ITPR2: variants seen among roughly 807,000 people sequenced by gnomAD.
ITPR2 encodes inositol 1,4,5-trisphosphate-gated calcium channel ITPR2.
ITPR2 carries 207 observed loss-of-function variants against 317.1 expected under a neutral mutation model. The ratio of observed to expected loss-of-function variants is 0.65; its 90% confidence interval spans 0.58 to 0.73. ITPR2 has a LOEUF of 0.73. Ranked by LOEUF, ITPR2 falls within the 30% of genes least tolerant of loss-of-function variation. ITPR2 has a pLI of 0.00. For synonymous variants in ITPR2, 1,156 were observed against 1,149.1 expected (o/e 1.01, Z -0.12); for missense variants, 2,613 against 3,284.0 (o/e 0.80, Z 4.99).
intron 52 of ITPR2, among the ~76,000 whole-genome samples, chr12:26,408,839 T>C (rs1221103287): frequency 6.6e-6 from 1 of 152,180 alleles, no homozygotes; most frequent in African/African-American, 2.4e-5. Context: ...CCACTGATAC[T>C]TGGAACCATG....
intron 2 of ITPR2, among the ~76,000 whole-genome samples, chr12:26,780,997 A>C: frequency 6.6e-6 from 1 of 152,226 alleles, no homozygotes; most frequent in East Asian, 1.9e-4. Flanking sequence ...GACTATCAAG[A>C]TGAAATCAGT....
chr12:26,766,530 A>C (rs540780839), intron 2 of ITPR2, among the ~76,000 whole-genome samples: 5 of 152,252 alleles, frequency 3.3e-5, no homozygotes, highest in South Asian at 4.1e-4. Flanking sequence ...CCCTTACCAG[A>C]TAAATTATTT....
intron 56 of ITPR2, 62 bp from the exon 57 acceptor site, chr12:26,339,545 G>T: frequency 7.7e-7 from 1 of 1,303,178 alleles, no homozygotes; most frequent in Non-Finnish European, 1.1e-6. Context: ...GTGCTGGTGG[G>T]CCACAACCGT....
intron 16 of ITPR2, 39 bp from the exon 17 acceptor site, chr12:26,658,169 A>T (rs1388490595): frequency 1.4e-6 from 2 of 1,421,098 alleles, no homozygotes; most frequent in African/African-American, 2.9e-5. Context: ...ATGAAGACAA[A>T]GCATTTTATA....
chr12:26,493,548 C>G (rs1056276855), intron 39 of ITPR2, among the ~76,000 whole-genome samples: 1 of 152,062 alleles, frequency 6.6e-6, no homozygotes, highest in Non-Finnish European at 1.5e-5. Context: ...TTTCAAACAG[C>G]TAGAAAAGTG....
At chr12:26,633,528 G>A (rs1247771185) in intron 21 of ITPR2, among the ~76,000 whole-genome samples, 1 of 152,212 alleles carries the variant, frequency 6.6e-6, no homozygotes, top group Non-Finnish European at 1.5e-5. Flanking sequence ...ACGACAAAAT[G>A]TATATATAAG....
At chr12:26,612,089 A>C (rs916987011) in intron 26 of ITPR2, among the ~76,000 whole-genome samples, 3 of 152,218 alleles carry the variant, frequency 2.0e-5, no homozygotes, top group African/African-American at 7.2e-5. Context: ...TAAGAGATCA[A>C]GTATGGTAAT....
intron 1 of ITPR2, among the ~76,000 whole-genome samples, chr12:26,825,071 A>T (rs921568258): frequency 8.5e-5 from 13 of 152,258 alleles, no homozygotes; most frequent in African/African-American, 2.4e-4. Context: ...ATCTCTACTA[A>T]AAATACAATA....
At chr12:26,577,411 A>AT (rs1482920610) in intron 34 of ITPR2, among the ~76,000 whole-genome samples, 1 of 152,170 alleles carries the variant, frequency 6.6e-6, no homozygotes, top group East Asian at 1.9e-4. Context: ...TATCAGTTGA[A>AT]TTTTCCAATC....
At chr12:26,493,983 T>G in intron 39 of ITPR2, 170 bp downstream of exon 39, 1 of 524,738 alleles carries the variant, frequency 1.9e-6, no homozygotes. Flanking sequence ...ATTGTGAAGC[T>G]CTGTAGTTTC....
chr12:26,609,235 T>C (rs183192808), intron 26 of ITPR2, among the ~76,000 whole-genome samples: 1 of 152,352 alleles, frequency 6.6e-6, no homozygotes, highest in East Asian at 1.9e-4. Flanking sequence ...ATCACTATTA[T>C]TTCCTCGTTA....
At chr12:26,448,648 G>C (rs1329529672) in intron 45 of ITPR2, among the ~76,000 whole-genome samples, 21 of 152,102 alleles carry the variant, frequency 1.4e-4, no homozygotes, top group Admixed American at 1.4e-3. Flanking sequence ...GTGAGGAGGG[G>C]ATCCAAAGCA....
chr12:26,705,440 T>C (rs1176819594), intron 9 of ITPR2, among the ~76,000 whole-genome samples: 1 of 152,048 alleles, frequency 6.6e-6, no homozygotes, highest in Non-Finnish European at 1.5e-5. Context: ...AGGCTCCCAG[T>C]CTCTCCCTCA....
intron 45 of ITPR2, among the ~76,000 whole-genome samples, chr12:26,453,136 T>C (rs2136763501): frequency 8.2e-6 from 1 of 121,910 alleles, no homozygotes; most frequent in South Asian, 3.0e-4. Flanking sequence ...CTCCTACTTC[T>C]ACTTCAATAC....
intron 21 of ITPR2, among the ~76,000 whole-genome samples, chr12:26,652,855 A>C (rs1481939327): frequency 6.6e-6 from 1 of 152,112 alleles, no homozygotes; most frequent in Admixed American, 6.5e-5. Flanking sequence ...ATCCAAGTGC[A>C]CTCTTCGATA....
At chr12:26,609,468 G>A (rs541651466) in intron 26 of ITPR2, among the ~76,000 whole-genome samples, 5 of 152,162 alleles carry the variant, frequency 3.3e-5, no homozygotes, top group South Asian at 2.1e-4. Context: ...TCAGCCAGGC[G>A]TGGTGGTGCA....
At chr12:26,364,955 G>A (rs772545444) in intron 55 of ITPR2, among the ~76,000 whole-genome samples, 11 of 152,070 alleles carry the variant, frequency 7.2e-5, no homozygotes, top group South Asian at 2.1e-4. Flanking sequence ...TCTTCAGGTC[G>A]GCCTCCCCAT....
chr12:26,755,004 A>G (rs1290149402), intron 2 of ITPR2, among the ~76,000 whole-genome samples: 1 of 152,226 alleles, frequency 6.6e-6, no homozygotes, highest in African/African-American at 2.4e-5. Flanking sequence ...AAAATCCTAC[A>G]GGAAGCATTG....
At chr12:26,666,086 G>C in intron 13 of ITPR2, 35 bp from the exon 14 acceptor site, 1 of 1,586,326 alleles carries the variant, frequency 6.3e-7, no homozygotes, top group African/African-American at 1.4e-5. Flanking sequence ...TTACTTTACA[G>C]TGTGCTTAAT....
Sources: allele counts gnomAD v4.1 joint callset (sites outside exome capture counted in the v4.1 genomes callset), GRCh38; gene constraint gnomAD v4.1.1; transcripts MANE v1.5; gene names NCBI Gene and HGNC (gene_info 2026-07-23, HGNC 2026-07-21).